Variants in KALRN observed in about 807,000 individuals in gnomAD.
KALRN encodes the protein kalirin.
In KALRN, 70 loss-of-function variants were observed where a neutral mutation model predicts 353.7. That is an observed-to-expected ratio of 0.20 (90% confidence interval 0.16 to 0.24). KALRN has a LOEUF of 0.24. Ranked by LOEUF, KALRN falls within the 10% of genes least tolerant of loss-of-function variation. The pLI, the probability that KALRN is intolerant of heterozygous loss-of-function variation, is 1.00. For synonymous variants in KALRN, 1,391 were observed against 1,434.8 expected (o/e 0.97, Z 0.69); for missense variants, 2,791 against 3,756.7 (o/e 0.74, Z 6.72).
chr3:124,050,813 A>C (rs544827602), intron 1 of KALRN, among the ~76,000 whole-genome samples: 2 of 152,330 alleles, frequency 1.3e-5, no homozygotes, highest in East Asian at 3.9e-4. Context: ...TGGGAGCTTG[A>C]GAATTCAAGC....
intron 37 of KALRN, among the ~76,000 whole-genome samples, chr3:124,649,025 C>A (rs1465052396): frequency 1.3e-5 from 2 of 152,138 alleles, no homozygotes; most frequent in Non-Finnish European, 2.9e-5. Flanking sequence ...AAAAGAAATT[C>A]TCTCTTGAGT....
Position 124,136,495 on chromosome 3 carries a change from C to A in KALRN, c.74-91495C>A, listed in dbSNP as rs114614077. Among the ~76,000 whole-genome samples, 1,411 of 152,240 alleles carry A rather than the reference C, an allele frequency of 9.3e-3. 21 individuals are homozygous for A. Among genetic ancestry groups the A allele is most frequent in the African/African-American group, 0.031 (1,307 of 41,528 alleles). On this transcript the variant is annotated intron_variant, in intron 1 of 59. Transcript: ENST00000682506. ...TTTTACCAAATTGCCAAGGTCCCCC[C>A]CCCATTGATTGGAATCAGGATTTGA...
chr3:124,432,312 G>A (rs1386312334), intron 16 of KALRN, among the ~76,000 whole-genome samples: 3 of 152,166 alleles, frequency 2.0e-5, no homozygotes, highest in African/African-American at 7.2e-5. Context: ...TACTCGGGAG[G>A]CTGAGGCAGG....
chr3:124,501,079 AT>A (rs1035776057), intron 33 of KALRN, among the ~76,000 whole-genome samples: 1 of 152,196 alleles, frequency 6.6e-6, no homozygotes, highest in African/African-American at 2.4e-5. Context: ...CATAAAATAA[AT>A]GCTTATTGAA....
At chr3:124,270,209 A>G (rs1050832891) in intron 5 of KALRN, among the ~76,000 whole-genome samples, 1 of 152,184 alleles carries the variant, frequency 6.6e-6, no homozygotes, top group Non-Finnish European at 1.5e-5. Context: ...TAAATGGCCA[A>G]TACTGTTCTT....
chr3:124,140,808 G>A (rs2066529834), intron 1 of KALRN, among the ~76,000 whole-genome samples: 1 of 152,176 alleles, frequency 6.6e-6, no homozygotes, highest in African/African-American at 2.4e-5. Flanking sequence ...GGGGGCACAG[G>A]GAGTAGGGGA....
At position 124,707,069 on chromosome 3, in the gene KALRN, T is replaced by C. The variant is rs1418658314; in HGVS notation, c.8075+4953T>C. ...GACAAAAGACTTGGGCTGGGTGTGGTGGCTCACGCCTGTAATCCCAGCACT... is the reference window on the plus strand; with the variant it reads ...GACAAAAGACTTGGGCTGGGTGTGGCGGCTCACGCCTGTAATCCCAGCACT... On this transcript the variant is annotated intron_variant, in intron 57 of 59. Transcript: ENST00000682506. Among the ~76,000 whole-genome samples, 5 of 150,982 alleles carry C rather than the reference T, an allele frequency of 3.3e-5. No homozygotes were observed. In the South Asian group the frequency reaches 8.6e-4, roughly 26 times the overall value.
At chr3:124,598,379 G>A (rs757630234) in intron 34 of KALRN, among the ~76,000 whole-genome samples, 2 of 152,162 alleles carry the variant, frequency 1.3e-5, no homozygotes, top group Non-Finnish European at 2.9e-5. Context: ...TTGACCTGAA[G>A]CCAGACCTTG....
chr3:124,444,830 AAAG>A (rs2093782707), intron 19 of KALRN, among the ~76,000 whole-genome samples: 1 of 151,810 alleles, frequency 6.6e-6, no homozygotes, highest in African/African-American at 2.4e-5. Flanking sequence ...AAAAAGAAAG[AAAG>A]AAAGAGAGAG....
At chr3:124,298,164 G>C (rs989878308) in intron 5 of KALRN, among the ~76,000 whole-genome samples, 2 of 152,184 alleles carry the variant, frequency 1.3e-5, no homozygotes, top group African/African-American at 4.8e-5. Flanking sequence ...GAAAACCAGG[G>C]TATGGAGCTA....
intron 50 of KALRN, 144 bp from the exon 51 acceptor site, chr3:124,679,314 C>A: frequency 3.0e-6 from 2 of 669,128 alleles, no homozygotes; most frequent in Non-Finnish European, 5.2e-6. Context: ...TGATTCTCAC[C>A]CCCACTTTAA....
chr3:124,385,062 C>A (rs1344375779), intron 11 of KALRN, 26 bp downstream of exon 11: 4 of 1,553,522 alleles, frequency 2.6e-6, no homozygotes, highest in Admixed American at 1.8e-5. Context: ...GGAGAGAGGG[C>A]ATTCTGTCCT....
intron 1 of KALRN, among the ~76,000 whole-genome samples, chr3:124,131,934 C>T (rs569719916): frequency 6.6e-6 from 1 of 152,224 alleles, no homozygotes; most frequent in African/African-American, 2.4e-5. Flanking sequence ...GTCATAAGTC[C>T]CTCTGAGCTC....
At chr3:124,310,227 A>G (rs1391972762) in intron 6 of KALRN, among the ~76,000 whole-genome samples, 3 of 137,820 alleles carry the variant, frequency 2.2e-5, no homozygotes, top group Non-Finnish European at 3.5e-5. Flanking sequence ...TAAAACTTAT[A>G]CTCTGAAAAC....
chr3:124,194,273 G>A (rs1278737787), intron 1 of KALRN, among the ~76,000 whole-genome samples: 1 of 152,196 alleles, frequency 6.6e-6, no homozygotes, highest in African/African-American at 2.4e-5. Flanking sequence ...GTCTCTTCCT[G>A]TGACATGATC....
chr3:124,082,816 AG>A (rs1316127101), intron 1 of KALRN, among the ~76,000 whole-genome samples: 1 of 152,272 alleles, frequency 6.6e-6, no homozygotes, highest in Admixed American at 6.5e-5. Flanking sequence ...ACCCTTATAA[AG>A]AAGAGTCCAC....
At chr3:124,450,667 A>G (rs1267834444) in intron 21 of KALRN, among the ~76,000 whole-genome samples, 1 of 150,030 alleles carries the variant, frequency 6.7e-6, no homozygotes, top group Non-Finnish European at 1.5e-5. Flanking sequence ...GGTTCAAGTG[A>G]TTCTCCTGCC....
chr3:124,632,388 C>G (rs1561475431), intron 34 of KALRN, 32 bp from the exon 35 acceptor site: 2 of 1,608,162 alleles, frequency 1.2e-6, no homozygotes, highest in Non-Finnish European at 1.7e-6. Flanking sequence ...TTCACCACCT[C>G]TGACATGGCT....
chr3:124,495,957 G>GTATATATATATA (rs201949824), intron 32 of KALRN, among the ~76,000 whole-genome samples: 6 of 44,224 alleles, frequency 1.4e-4, no homozygotes, highest in African/African-American at 5.2e-4. Context: ...GTGTGTATGT[G>GTATATATATATA]TATGTATGTA....
Sources: gnomAD v4.1 joint callset for allele counts (sites outside exome capture counted in the v4.1 genomes callset) on GRCh38, gnomAD v4.1.1 for gene constraint, MANE v1.5 for transcripts, NCBI Gene and HGNC (gene_info 2026-07-23, HGNC 2026-07-21) for gene names.